The following TBC1D22A variants were observed in gnomAD, a reference collection of about 807,000 sequenced individuals.
The protein encoded by TBC1D22A is TBC1 domain family member 22A, also known as putative GTPase activator.
Under a neutral mutation model 60.2 loss-of-function variants are expected in TBC1D22A, and 38 were observed. That is an observed-to-expected ratio of 0.63 (90% CI 0.49 to 0.83). TBC1D22A has a LOEUF of 0.83. Among genes scored for constraint, TBC1D22A ranks in the 40% least tolerant of loss-of-function variants. The pLI is 0.00. For missense variants in TBC1D22A, 628 were observed against 701.0 expected (o/e 0.90, Z 1.18); for synonymous variants, 302 against 281.7 (o/e 1.07, Z -0.72).
rs61163963 is a variant in TBC1D22A, at chr22:46,765,778, CTT to C, written c.62+2946_62+2947del. On this transcript the variant is annotated intron_variant, in intron 1 of 12. Transcript: ENST00000337137. ...CTCCATGCCTGGCCTTGTTTTCCTC[CTT>C]TTTTTTTTTTTTTTTCTGAGACAAG... 3.7e-3 allele frequency among the ~76,000 whole-genome samples: 481 copies of C among 131,036 alleles called. 7 individuals carry two copies. Among genetic ancestry groups the C allele is most frequent in the African/African-American group, 0.011 (385 of 34,308 alleles). 86.0% of individuals were successfully genotyped at this position (131,036 alleles called of 152,430 possible).
chr22:46,870,680 C>A (rs976801092), intron 4 of TBC1D22A, among the ~76,000 whole-genome samples: 1 of 152,158 alleles, frequency 6.6e-6, no homozygotes, highest in Non-Finnish European at 1.5e-5. Flanking sequence ...GCTTGGAGGT[C>A]TCGCATCAAG....
At chr22:47,081,116 G>A (rs12484929) in intron 11 of TBC1D22A, among the ~76,000 whole-genome samples, 49,938 of 132,800 alleles carry the variant, frequency 0.38, 9,285 homozygotes, top group East Asian at 0.59. Flanking sequence ...GCGAAACTCC[G>A]TCTCAAAAAA....
At chr22:47,140,515 C>G (rs1395480969) in intron 12 of TBC1D22A, among the ~76,000 whole-genome samples, 1 of 149,254 alleles carries the variant, frequency 6.7e-6, no homozygotes, top group Non-Finnish European at 1.5e-5. Context: ...GATCGTGCCA[C>G]TGCACTCCAG....
At chr22:47,053,904 A>C (rs2063308073) in intron 11 of TBC1D22A, among the ~76,000 whole-genome samples, 1 of 152,248 alleles carries the variant, frequency 6.6e-6, no homozygotes. Context: ...AGTTGAACCA[A>C]GGACACGGGA....
intron 11 of TBC1D22A, among the ~76,000 whole-genome samples, chr22:47,091,044 T>TG (rs1298433028): frequency 1.6e-5 from 1 of 62,156 alleles, no homozygotes; most frequent in African/African-American, 6.8e-5. Flanking sequence ...AAGTCGTCTT[T>TG]GGGGGGAGTG....
At chr22:46,830,872 G>C (rs1260331785) in intron 4 of TBC1D22A, among the ~76,000 whole-genome samples, 1 of 152,202 alleles carries the variant, frequency 6.6e-6, no homozygotes, top group Non-Finnish European at 1.5e-5. Context: ...GCGGGCTCTG[G>C]GCAGAGGGTC....
At chr22:46,948,833 G>A (rs2072716496) in intron 8 of TBC1D22A, among the ~76,000 whole-genome samples, 1 of 152,188 alleles carries the variant, frequency 6.6e-6, no homozygotes, top group Admixed American at 6.5e-5. Flanking sequence ...ACAGAAACAT[G>A]CTACCGAAGT....
At chr22:46,940,814 G>T (rs1170593733) in intron 8 of TBC1D22A, among the ~76,000 whole-genome samples, 1 of 87,488 alleles carries the variant, frequency 1.1e-5, no homozygotes, top group Non-Finnish European at 2.3e-5. Context: ...ATGGGGACCG[G>T]GGCACTAGAA....
chr22:46,846,819 C>G (rs1291332864), intron 4 of TBC1D22A, among the ~76,000 whole-genome samples: 1 of 152,156 alleles, frequency 6.6e-6, no homozygotes, highest in Non-Finnish European at 1.5e-5. Flanking sequence ...TTTTCTTTTT[C>G]TTTTTCTTTT....
chr22:46,918,337 T>G (rs1283499327), intron 8 of TBC1D22A, among the ~76,000 whole-genome samples: 2 of 152,168 alleles, frequency 1.3e-5, no homozygotes, highest in East Asian at 3.9e-4. Flanking sequence ...TTTCGGAAGC[T>G]TTCCTGGAAC....
chr22:46,776,874 C>T (rs572351710), intron 1 of TBC1D22A, among the ~76,000 whole-genome samples: 24 of 152,126 alleles, frequency 1.6e-4, no homozygotes, highest in South Asian at 6.2e-4. Flanking sequence ...TGAAGGCATA[C>T]GAGTTCTTCC....
At chr22:46,932,944 T>C (rs998034839) in intron 8 of TBC1D22A, among the ~76,000 whole-genome samples, 2 of 152,064 alleles carry the variant, frequency 1.3e-5, no homozygotes, top group African/African-American at 4.8e-5. Flanking sequence ...AGGCTAGTCT[T>C]GAACTCCTGA....
chr22:46,932,571 C>A (rs1012809866), intron 8 of TBC1D22A, among the ~76,000 whole-genome samples: 3 of 152,098 alleles, frequency 2.0e-5, no homozygotes, highest in African/African-American at 7.2e-5. Flanking sequence ...TGGCCCCCTC[C>A]CCGTGTCTTC....
chr22:46,795,131 G>T (rs1303841349), intron 3 of TBC1D22A, among the ~76,000 whole-genome samples: 1 of 152,244 alleles, frequency 6.6e-6, no homozygotes. Flanking sequence ...CTCGTAACTG[G>T]AAATCTGGTG....
At chr22:47,060,674 C>T (rs546102707) in intron 11 of TBC1D22A, among the ~76,000 whole-genome samples, 66 of 152,246 alleles carry the variant, frequency 4.3e-4, no homozygotes, top group African/African-American at 1.4e-3. Flanking sequence ...TCAGGTGATC[C>T]GACTGCCTCT....
intron 1 of TBC1D22A, among the ~76,000 whole-genome samples, chr22:46,775,416 A>G (rs1269089105): frequency 6.6e-6 from 1 of 151,568 alleles, no homozygotes; most frequent in South Asian, 2.1e-4. Flanking sequence ...ATCTATGACT[A>G]TTTTCCTGCT....
rs149234106 is a variant in TBC1D22A, at chr22:46,858,130, T to C, written c.638-20523T>C. Among the ~76,000 whole-genome samples the C allele has an allele frequency of 6.6e-5, 10 of 152,304 alleles. No individual in the cohort carries two copies. In the East Asian group the frequency reaches 1.5e-3, roughly 24 times the overall value. The stretch of plus-strand genomic sequence containing the variant: ...CTCTGGTCTTCCCACATTTAAACAT[T>C]GTCACCATCCTTCTGTGATCCCACA... On this transcript the variant is annotated intron_variant, in intron 4 of 12. Transcript: ENST00000337137.
At chr22:47,151,804 G>T (rs796584660) in intron 12 of TBC1D22A, among the ~76,000 whole-genome samples, 3 of 152,360 alleles carry the variant, frequency 2.0e-5, no homozygotes, top group African/African-American at 7.2e-5. Context: ...CACCATGCCG[G>T]CCTGTCGGGA....
chr22:47,078,375 T>G (rs1206851863), intron 11 of TBC1D22A, among the ~76,000 whole-genome samples: 1 of 152,214 alleles, frequency 6.6e-6, no homozygotes, highest in East Asian at 1.9e-4. Context: ...GGGTGAGAAT[T>G]GCAATCGTGT....
Sources: allele counts gnomAD v4.1 joint callset (sites outside exome capture counted in the v4.1 genomes callset), GRCh38; gene constraint gnomAD v4.1.1; transcripts MANE v1.5; gene names NCBI Gene and HGNC (gene_info 2026-07-23, HGNC 2026-07-21).